The following ZNF83 variants were observed in gnomAD, a reference collection of about 807,000 sequenced individuals.
ZNF83 encodes the protein zinc finger protein 83.
For synonymous variants in ZNF83, 209 were observed against 213.0 expected, an observed-to-expected ratio of 0.98 and a Z score of 0.17; for missense variants, 552 against 629.9, an observed-to-expected ratio of 0.88 and a Z score of 1.32.
chr19:52,652,072 A>AC (rs2147253588), intron 3 of ZNF83: 2 of 240,020 alleles, frequency 8.3e-6, no homozygotes, highest in South Asian at 1.2e-4. Context: ...AGACATTGCC[A>AC]CACCTATTCC....
At chr19:52,670,327 A>G (rs2061708003) in intron 1 of ZNF83, among the ~76,000 whole-genome samples, 1 of 152,182 alleles carries the variant, frequency 6.6e-6, no homozygotes, top group African/African-American at 2.4e-5. Flanking sequence ...TTGGAATTAG[A>G]TTAGCCTGTG....
chr19:52,669,880 T>C (rs1185881332), intron 1 of ZNF83, among the ~76,000 whole-genome samples: 12 of 152,168 alleles, frequency 7.9e-5, no homozygotes. Context: ...AAGAAGCTTC[T>C]TCTTATTTTG....
chr19:52,654,419 A>G, intron 3 of ZNF83: 1 of 1,014,960 alleles, frequency 9.9e-7, no homozygotes, highest in Non-Finnish European at 1.4e-6. Flanking sequence ...AAATATAAAG[A>G]CCAATAGGTT....
intron 3 of ZNF83, among the ~76,000 whole-genome samples, chr19:52,649,669 A>G (rs926278698): frequency 6.6e-6 from 1 of 152,184 alleles, no homozygotes; most frequent in Non-Finnish European, 1.5e-5. Context: ...TAAAAAGACT[A>G]TGAGAACAAA....
At chr19:52,661,837 G>T (rs548899564) in intron 1 of ZNF83, among the ~76,000 whole-genome samples, 60 of 152,298 alleles carry the variant, frequency 3.9e-4, no homozygotes, top group African/African-American at 1.1e-3. Context: ...GATCACAAAG[G>T]TTACTGTAGA....
chr19:52,635,850 C>T (rs2061127043), intron 1 of ZNF83: 1 of 151,950 alleles, frequency 6.6e-6, no homozygotes, highest in African/African-American at 2.4e-5. Context: ...CAAAAAGTAG[C>T]TGGGCTTGGT....
chr19:52,666,601 G>T (rs2061656371), intron 1 of ZNF83, among the ~76,000 whole-genome samples: 1 of 115,044 alleles, frequency 8.7e-6, no homozygotes, highest in Non-Finnish European at 1.7e-5. Flanking sequence ...CCTCATCAAG[G>T]AAGAACTATC....
At chr19:52,670,537 G>A (rs564790105) in intron 1 of ZNF83, among the ~76,000 whole-genome samples, 3 of 152,206 alleles carry the variant, frequency 2.0e-5, no homozygotes, top group South Asian at 2.1e-4. Flanking sequence ...TTGCAGCACC[G>A]AAACTTTATT....
chr19:52,614,021 A>T (rs747881676), exon 3 of ZNF83: 2 of 1,613,408 alleles, frequency 1.2e-6, no homozygotes, highest in Admixed American at 1.7e-5. Flanking sequence ...ACCTTGCCAC[A>T]TTCATTACAT....
At chr19:52,631,874 T>C (rs1200326869) in intron 2 of ZNF83, among the ~76,000 whole-genome samples, 1 of 151,850 alleles carries the variant, frequency 6.6e-6, no homozygotes, top group Non-Finnish European at 1.5e-5. Context: ...AAATCTATCC[T>C]CAAGGAAATA....
chr19:52,626,820 C>A (rs1013790798), intron 2 of ZNF83, among the ~76,000 whole-genome samples: 2 of 152,104 alleles, frequency 1.3e-5, no homozygotes, highest in Admixed American at 6.6e-5. Context: ...CTCCATACCA[C>A]CCCCAAAAAT....
chr19:52,629,751 T>C (rs1477550535), intron 2 of ZNF83, among the ~76,000 whole-genome samples: 1 of 152,210 alleles, frequency 6.6e-6, no homozygotes, highest in Non-Finnish European at 1.5e-5. Flanking sequence ...TGAGACACTT[T>C]ACAGCCCTAG....
At chr19:52,630,535 T>C (rs984924809) in intron 2 of ZNF83, among the ~76,000 whole-genome samples, 8 of 152,268 alleles carry the variant, frequency 5.3e-5, no homozygotes, top group Non-Finnish European at 7.4e-5. Flanking sequence ...CTTGTTAGGC[T>C]GAGATATTTT....
At chr19:52,670,352 C>T (rs577610170) in intron 1 of ZNF83, among the ~76,000 whole-genome samples, 38 of 152,162 alleles carry the variant, frequency 2.5e-4, no homozygotes, top group Non-Finnish European at 1.9e-4. Context: ...CTAACCCTCG[C>T]CAATAGGGGA....
At chr19:52,648,817 C>A (rs79838449) in intron 3 of ZNF83, among the ~76,000 whole-genome samples, 1 of 152,046 alleles carries the variant, frequency 6.6e-6, no homozygotes, top group African/African-American at 2.4e-5. Context: ...CTAGTCACTA[C>A]GGAGTCTGAC....
intron 1 of ZNF83, among the ~76,000 whole-genome samples, chr19:52,677,333 A>T (rs796910463): frequency 5.5e-4 from 81 of 148,592 alleles, no homozygotes; most frequent in African/African-American, 1.9e-3. Context: ...AAAAAAAACA[A>T]AAATTAGCCG....
chr19:52,656,330 T>A (rs949446376), intron 2 of ZNF83, among the ~76,000 whole-genome samples: 2 of 151,934 alleles, frequency 1.3e-5, no homozygotes, highest in Non-Finnish European at 2.9e-5. Flanking sequence ...GAGACCAACC[T>A]GGGCTACATT....
chr19:52,625,891 C>T (rs1465537460), intron 2 of ZNF83, among the ~76,000 whole-genome samples: 3 of 152,188 alleles, frequency 2.0e-5, no homozygotes, highest in African/African-American at 4.8e-5. Flanking sequence ...AGCTGGATCC[C>T]TGAGTCTGGG....
chr19:52,653,026 T>C (rs2061462970), intron 3 of ZNF83: 1 of 1,453,864 alleles, frequency 6.9e-7, no homozygotes, highest in Non-Finnish European at 9.6e-7. Flanking sequence ...AAGGTTTGAC[T>C]GTTGATTAAA....
Sources: gnomAD v4.1 joint callset for allele counts (sites outside exome capture counted in the v4.1 genomes callset) on GRCh38, gnomAD v4.1.1 for gene constraint, MANE v1.5 for transcripts, NCBI Gene and HGNC (gene_info 2026-07-23, HGNC 2026-07-21) for gene names.